The following CNTN5 variants were observed in gnomAD, a reference collection of about 807,000 sequenced individuals.
The protein encoded by CNTN5 is contactin-5.
Under a neutral mutation model 129.1 loss-of-function variants are expected in CNTN5, and 77 were observed. The observed-to-expected ratio is 0.60, with a 90% CI of 0.50 to 0.72. The LOEUF (loss-of-function observed/expected upper bound fraction) is 0.72. Among genes scored for constraint, CNTN5 ranks in the 30% least tolerant of loss-of-function variants. The pLI, the probability that CNTN5 is intolerant of heterozygous loss-of-function variation, is 0.00. For missense variants in CNTN5, 1,478 were observed against 1,328.8 expected (o/e 1.11, Z -1.75); for synonymous variants, 509 against 465.6 (o/e 1.09, Z -1.20).
chr11:99,306,162 CT>C (rs1418080186), intron 1 of CNTN5, among the ~76,000 whole-genome samples: 1 of 152,062 alleles, frequency 6.6e-6, no homozygotes, highest in Non-Finnish European at 1.5e-5. Flanking sequence ...TCCTTTAGGA[CT>C]TTAAGATAAG....
intron 4 of CNTN5, among the ~76,000 whole-genome samples, chr11:99,826,671 T>A (rs1145405): frequency 0.24 from 36,130 of 152,150 alleles, 4,868 homozygotes; most frequent in Non-Finnish European, 0.32. Flanking sequence ...AACACTCCTA[T>A]GTTTAAGGAA....
chr11:99,153,681 G>C (rs974095826), intron 1 of CNTN5, among the ~76,000 whole-genome samples: 4 of 151,950 alleles, frequency 2.6e-5, no homozygotes, highest in Non-Finnish European at 5.9e-5. Flanking sequence ...TGCTATTTCT[G>C]GGGTATGAGT....
chr11:99,100,570 T>C (rs1226983648), intron 1 of CNTN5, among the ~76,000 whole-genome samples: 1 of 152,134 alleles, frequency 6.6e-6, no homozygotes, highest in East Asian at 1.9e-4. Flanking sequence ...TAATTAGTAA[T>C]CTATTAAGCT....
chr11:99,120,297 T>G (rs1218401875), intron 1 of CNTN5: 1 of 152,178 alleles, frequency 6.6e-6, no homozygotes, highest in African/African-American at 2.4e-5. Flanking sequence ...CACCACTCCA[T>G]GTGTGTCCCT....
chr11:99,145,369 C>T (rs1397924601), intron 1 of CNTN5, among the ~76,000 whole-genome samples: 2 of 83,538 alleles, frequency 2.4e-5, no homozygotes, highest in Non-Finnish European at 2.3e-5. Flanking sequence ...CACGCCCAAC[C>T]AGAAACACTT....
At chr11:100,218,184 G>A (rs774065262) in intron 15 of CNTN5, among the ~76,000 whole-genome samples, 4 of 152,100 alleles carry the variant, frequency 2.6e-5, no homozygotes, top group South Asian at 2.1e-4. Flanking sequence ...ATATACCAAC[G>A]CCTGGATAGC....
At chr11:100,142,768 T>G (rs1946734889) in intron 13 of CNTN5, among the ~76,000 whole-genome samples, 1 of 152,116 alleles carries the variant, frequency 6.6e-6, no homozygotes, top group African/African-American at 2.4e-5. Context: ...ATTTTTTTTT[T>G]ACTGTAAAGT....
chr11:100,080,412 C>T (rs941000822), intron 13 of CNTN5, among the ~76,000 whole-genome samples: 2 of 152,106 alleles, frequency 1.3e-5, no homozygotes, highest in African/African-American at 4.8e-5. Flanking sequence ...ACTTATTTAA[C>T]ACGCATAGAA....
Position 99,234,498 on chromosome 11 carries a change from A to G in CNTN5, c.-209-90848A>G, listed in dbSNP as rs544834281. Among the ~76,000 whole-genome samples the G allele has an allele frequency of 6.6e-5, 10 of 151,134 alleles. No individual in the cohort carries two copies. The East Asian group carries it at 1.4e-3, about 20-fold the overall frequency. The stretch of plus-strand genomic sequence containing the variant: ...TTACTTTTATTAAGTTCTATTATGT[A>G]ATTTCACCCATAATCTGATATGTAT... On this transcript the variant is annotated intron_variant, in intron 1 of 24. Transcript: ENST00000524871.
At chr11:99,732,078 C>A (rs1429802901) in intron 3 of CNTN5, among the ~76,000 whole-genome samples, 1 of 152,028 alleles carries the variant, frequency 6.6e-6, no homozygotes. Context: ...ACAAAGAAGA[C>A]AAATAGTTGA....
At chr11:99,249,037 G>A (rs375494276) in intron 1 of CNTN5, among the ~76,000 whole-genome samples, 19 of 151,940 alleles carry the variant, frequency 1.3e-4, no homozygotes, top group South Asian at 4.1e-4. Context: ...ATGGCATTGA[G>A]TCTATAAATT....
At chr11:99,768,743 GAC>G (rs1944843452) in intron 3 of CNTN5, among the ~76,000 whole-genome samples, 1 of 152,114 alleles carries the variant, frequency 6.6e-6, no homozygotes, top group Non-Finnish European at 1.5e-5. Context: ...TATAATTGGT[GAC>G]ACTAAGTTTG....
chr11:99,949,328 C>T (rs1950621180), intron 7 of CNTN5, among the ~76,000 whole-genome samples: 1 of 152,170 alleles, frequency 6.6e-6, no homozygotes, highest in African/African-American at 2.4e-5. Context: ...GTCCATGGAA[C>T]GACTCCACAG....
chr11:99,763,289 C>A (rs1944648968), intron 3 of CNTN5, among the ~76,000 whole-genome samples: 1 of 151,976 alleles, frequency 6.6e-6, no homozygotes, highest in Non-Finnish European at 1.5e-5. Flanking sequence ...CATCCTTTAC[C>A]ATACAGAGAT....
At chr11:100,329,314 C>G (rs1045756348) in intron 21 of CNTN5, among the ~76,000 whole-genome samples, 4 of 152,150 alleles carry the variant, frequency 2.6e-5, no homozygotes, top group Admixed American at 6.5e-5. Flanking sequence ...AATGGCTATC[C>G]CTGCCCCTAC....
chr11:99,417,250 G>A (rs1016193857), intron 2 of CNTN5, among the ~76,000 whole-genome samples: 2 of 152,034 alleles, frequency 1.3e-5, no homozygotes, highest in Non-Finnish European at 1.5e-5. Flanking sequence ...TCCAATATTA[G>A]TGTGATAATA....
intron 3 of CNTN5, among the ~76,000 whole-genome samples, chr11:99,772,324 G>C (rs1025643221): frequency 5.3e-5 from 8 of 152,032 alleles, no homozygotes; most frequent in African/African-American, 1.9e-4. Context: ...AGTCCGGAAT[G>C]TATGTAAGGT....
At chr11:100,010,324 G>A (rs1254330983) in intron 9 of CNTN5, among the ~76,000 whole-genome samples, 1 of 151,896 alleles carries the variant, frequency 6.6e-6, no homozygotes, top group Non-Finnish European at 1.5e-5. Context: ...GAGGTAAGGG[G>A]GGAAAAAAAG....
chr11:100,255,999 T>A, intron 17 of CNTN5, 81 bp downstream of exon 17: 1 of 1,225,780 alleles, frequency 8.2e-7, no homozygotes, highest in Non-Finnish European at 1.1e-6. Context: ...GGTCTTACTA[T>A]GATTTTTTTG....
Sources: allele counts gnomAD v4.1 joint callset (sites outside exome capture counted in the v4.1 genomes callset), GRCh38; gene constraint gnomAD v4.1.1; transcripts MANE v1.5; gene names NCBI Gene and HGNC (gene_info 2026-07-23, HGNC 2026-07-21).